The following CHL1 variants were observed in gnomAD, a reference collection of about 807,000 sequenced individuals.
CHL1 encodes the protein neural cell adhesion molecule L1-like protein.
CHL1 carries 96 observed loss-of-function variants against 141.9 expected under a neutral mutation model. The ratio of observed to expected loss-of-function variants is 0.68; its 90% confidence interval spans 0.57 to 0.80. The LOEUF is 0.80. Ranked by LOEUF, CHL1 falls within the 30% of genes least tolerant of loss-of-function variation. The probability of loss-of-function intolerance (pLI) is 0.00; values close to 1 mark genes in which losing one functional copy is unlikely to be tolerated. For missense variants in CHL1, 1,820 were observed against 1,457.2 expected (o/e 1.25, Z -4.05); for synonymous variants, 613 against 502.2 (o/e 1.22, Z -2.95).
rs185578457 is a variant in CHL1 at position 301,955 on chromosome 3, G to T, written c.-94-17728G>T. On this transcript the variant is annotated intron_variant, in intron 2 of 27. Transcript: ENST00000256509. ...GATGTTCCCCTCCCTTTATCCATGT[G>T]TTCTCCTTGTTCAACTCCCACTTAT... 4.5e-4 allele frequency among the ~76,000 whole-genome samples: 69 copies of T among 152,250 alleles called. 1 individual carries two copies. Among genetic ancestry groups the T allele is most frequent in the African/African-American group, 1.6e-3 (67 of 41,542 alleles).
chr3:288,114 G>A (rs1488619709), intron 2 of CHL1, among the ~76,000 whole-genome samples: 1 of 152,088 alleles, frequency 6.6e-6, no homozygotes, highest in South Asian at 2.1e-4. Flanking sequence ...GATTCTGATT[G>A]AAATATGTTC....
chr3:269,805 G>T (rs1695479287), intron 2 of CHL1, among the ~76,000 whole-genome samples: 1 of 152,182 alleles, frequency 6.6e-6, no homozygotes, highest in Non-Finnish European at 1.5e-5. Flanking sequence ...GGATTACAAG[G>T]ATGAGCCACC....
intron 1 of CHL1, 110 bp from the exon 2 acceptor site, chr3:244,503 G>A (rs929188621): frequency 1.3e-5 from 2 of 151,764 alleles, no homozygotes; most frequent in African/African-American, 2.4e-5. Flanking sequence ...GGGGTGTGGG[G>A]AGAAAGAAAA....
At chr3:321,942 G>C (rs73009521) in intron 3 of CHL1, among the ~76,000 whole-genome samples, 1 of 151,846 alleles carries the variant, frequency 6.6e-6, no homozygotes, top group Non-Finnish European at 1.5e-5. Context: ...TATTAGCTCC[G>C]TTCCCCAAAT....
At chr3:370,553 G>A (rs1705499129) in intron 15 of CHL1, among the ~76,000 whole-genome samples, 1 of 145,704 alleles carries the variant, frequency 6.9e-6, no homozygotes, top group Admixed American at 6.8e-5. Flanking sequence ...AAAAAAACCA[G>A]CTCCTGGATT....
intron 23 of CHL1, 89 bp from the exon 24 acceptor site, chr3:394,604 C>A: frequency 1.1e-6 from 1 of 934,396 alleles, no homozygotes; most frequent in Non-Finnish European, 1.6e-6. Context: ...TCTTTACGTA[C>A]CACAAGCATA....
intron 11 of CHL1, among the ~76,000 whole-genome samples, chr3:356,435 C>G (rs1703722681): frequency 6.6e-6 from 1 of 152,016 alleles, no homozygotes; most frequent in African/African-American, 2.4e-5. Context: ...TTCTATGTTC[C>G]CGGCACTGGA....
At chr3:205,879 G>A (rs1389134242) in intron 1 of CHL1, among the ~76,000 whole-genome samples, 1 of 152,172 alleles carries the variant, frequency 6.6e-6, no homozygotes, top group Non-Finnish European at 1.5e-5. Context: ...ATGTAAGCTG[G>A]GCGATGCAGA....
intron 2 of CHL1, among the ~76,000 whole-genome samples, chr3:299,724 C>T (rs190012709): frequency 8.1e-4 from 124 of 152,232 alleles, no homozygotes; most frequent in African/African-American, 2.9e-3. Flanking sequence ...CCCTAGGCTT[C>T]GAAGCTTGCA....
rs1438011139 is a variant in CHL1, at chr3:240,296, G to A, written c.-174-4317G>A. 2.6e-5 allele frequency among the ~76,000 whole-genome samples: 4 copies of A among 152,176 alleles called. No homozygotes were observed. The East Asian group carries it at 7.7e-4, about 29-fold the overall frequency. ...TTTTTCATTATGGCCATTCTTGCAG[G>A]AGTCAGGTGGTACAGAGATGTAGTT... On this transcript the variant is annotated intron_variant, in intron 1 of 27. Coordinates refer to ENST00000256509, the MANE Select transcript of CHL1 (RefSeq NM_006614.4).
chr3:356,572 G>T (rs978847393), intron 11 of CHL1, among the ~76,000 whole-genome samples: 3 of 152,178 alleles, frequency 2.0e-5, no homozygotes, highest in Admixed American at 6.5e-5. Context: ...TAAGGGCAGT[G>T]CCTGAAAGAG....
At chr3:344,827 T>A in intron 9 of CHL1, 118 bp downstream of exon 9, 1 of 1,077,034 alleles carries the variant, frequency 9.3e-7, no homozygotes. Context: ...TTAAAAAAAT[T>A]AAATTCTGCC....
At chr3:240,124 T>A (rs543993147) in intron 1 of CHL1, among the ~76,000 whole-genome samples, 1 of 152,220 alleles carries the variant, frequency 6.6e-6, no homozygotes, top group Non-Finnish European at 1.5e-5. Context: ...GTGGGATTGC[T>A]GAATCAAATG....
chr3:371,185 C>G (rs1274337475), intron 15 of CHL1, among the ~76,000 whole-genome samples: 2 of 152,050 alleles, frequency 1.3e-5, no homozygotes, highest in East Asian at 3.9e-4. Flanking sequence ...ATTGATCTGT[C>G]TAATATTGAC....
chr3:201,744 G>T (rs1161277014), intron 1 of CHL1, among the ~76,000 whole-genome samples: 3 of 152,068 alleles, frequency 2.0e-5, no homozygotes, highest in African/African-American at 7.2e-5. Context: ...TTTGACCAGG[G>T]TTTCTTCTCC....
At chr3:273,080 A>G (rs766145113) in intron 2 of CHL1, among the ~76,000 whole-genome samples, 4 of 152,206 alleles carry the variant, frequency 2.6e-5, no homozygotes, top group Non-Finnish European at 4.4e-5. Flanking sequence ...GATCTGGGAA[A>G]GTCTTCAGGT....
chr3:259,419 A>T (rs976772160), intron 2 of CHL1, among the ~76,000 whole-genome samples: 3 of 152,066 alleles, frequency 2.0e-5, no homozygotes, highest in Admixed American at 6.6e-5. Context: ...GAAATTTGAA[A>T]ATATATGAAG....
chr3:343,064 G>T, intron 8 of CHL1, 33 bp downstream of exon 8: 1 of 1,547,296 alleles, frequency 6.5e-7, no homozygotes, highest in Non-Finnish European at 8.8e-7. Flanking sequence ...GTTGGCATTT[G>T]TGTATAGCTC....
At chr3:230,747 C>G (rs1701784641) in intron 1 of CHL1, among the ~76,000 whole-genome samples, 1 of 151,988 alleles carries the variant, frequency 6.6e-6, no homozygotes, top group Non-Finnish European at 1.5e-5. Context: ...AAAATGTAGA[C>G]TCTTATATTC....
Sources: allele counts gnomAD v4.1 joint callset (sites outside exome capture counted in the v4.1 genomes callset), GRCh38; gene constraint gnomAD v4.1.1; transcripts MANE v1.5; gene names NCBI Gene and HGNC (gene_info 2026-07-23, HGNC 2026-07-21).